Variants in SLC30A6 observed in about 807,000 individuals in gnomAD.
SLC30A6 encodes the protein zinc transporter 6.
In SLC30A6, 55 loss-of-function variants were observed where a neutral mutation model predicts 63.0. The observed-to-expected ratio is 0.87, with a 90% CI of 0.70 to 1.09. The LOEUF is 1.09. SLC30A6 is among the 50% of genes least tolerant of loss of function. The probability of loss-of-function intolerance (pLI) is 0.00; values close to 1 mark genes in which losing one functional copy is unlikely to be tolerated. For synonymous variants in SLC30A6, 224 were observed against 186.1 expected (o/e 1.20, Z -1.66); for missense variants, 587 against 549.2 (o/e 1.07, Z -0.69).
Position 32,192,943 on chromosome 2 carries a change from G to T in SLC30A6, c.391G>T (p.Glu131Ter). The change falls in exon 7 of 14, where the codon GAG becomes TAG. Residue 131 changes from glutamate to a stop codon, truncating the protein, a stop_gained. Transcript: ENST00000282587. LOFTEE classifies it high-confidence loss of function. Reference protein sequence around the residue: ...ESAERFLEQPEIHTGRLLVGT... With the variant: ...ESAERFLEQP ...TGCAGAACGCTTTTTGGAACAGCCCGAGATACACACGTGAGATTTTATTTT... is the reference window on the plus strand; with the variant it reads ...TGCAGAACGCTTTTTGGAACAGCCCTAGATACACACGTGAGATTTTATTTT... The T allele has an allele frequency of 6.6e-7, 1 of 1,510,956 alleles. No homozygotes were observed. Among genetic ancestry groups the T allele is most frequent in the African/African-American group, 1.4e-5 (1 of 71,396 alleles). 93.6% of individuals were successfully genotyped at this position (1,510,956 alleles called of 1,614,324 possible).
At chr2:32,211,796 T>A (rs563659830) in intron 13 of SLC30A6, among the ~76,000 whole-genome samples, 1 of 152,118 alleles carries the variant, frequency 6.6e-6, no homozygotes, top group African/African-American at 2.4e-5. Context: ...TTTTGTTTTT[T>A]TTTAGTAGAG....
chr2:32,181,957 C>G (rs1239373481), intron 4 of SLC30A6, among the ~76,000 whole-genome samples: 1 of 121,408 alleles, frequency 8.2e-6, no homozygotes, highest in African/African-American at 3.2e-5. Flanking sequence ...TTTTTTGAGA[C>G]AGGGTATTAC....
At chr2:32,181,645 T>G (rs2148824233) in intron 4 of SLC30A6, among the ~76,000 whole-genome samples, 1 of 152,248 alleles carries the variant, frequency 6.6e-6, no homozygotes, top group African/African-American at 2.4e-5. Context: ...GGCTGGCAGA[T>G]TCCCTGAGCT....
chr2:32,198,229 G>C (rs1452419170), intron 10 of SLC30A6, among the ~76,000 whole-genome samples: 1 of 152,132 alleles, frequency 6.6e-6, no homozygotes, highest in Non-Finnish European at 1.5e-5. Context: ...AACATGTTAT[G>C]GCATATGATT....
chr2:32,185,854 G>A (rs1221811957), intron 5 of SLC30A6, among the ~76,000 whole-genome samples: 1 of 151,544 alleles, frequency 6.6e-6, no homozygotes, highest in East Asian at 1.9e-4. Context: ...CGAGTACCTG[G>A]GATTACAGGT....
chr2:32,180,116 T>G (rs2148820835), intron 4 of SLC30A6, among the ~76,000 whole-genome samples: 1 of 152,060 alleles, frequency 6.6e-6, no homozygotes, highest in East Asian at 1.9e-4. Context: ...AGAGATACCC[T>G]ATAGACCAGG....
chr2:32,170,944 A>T (rs577673154), intron 1 of SLC30A6, among the ~76,000 whole-genome samples: 16 of 152,356 alleles, frequency 1.1e-4, no homozygotes, highest in African/African-American at 3.8e-4. Context: ...AATTTCCAGT[A>T]GAGCTATTTG....
At chr2:32,190,079 A>C (rs1459428973) in intron 5 of SLC30A6, among the ~76,000 whole-genome samples, 2 of 152,124 alleles carry the variant, frequency 1.3e-5, no homozygotes, top group Admixed American at 1.3e-4. Flanking sequence ...TTTCTGTATT[A>C]ATCTGTAACA....
chr2:32,182,181 C>A (rs913250542), intron 4 of SLC30A6, among the ~76,000 whole-genome samples: 14 of 152,104 alleles, frequency 9.2e-5, no homozygotes, highest in Admixed American at 7.9e-4. Context: ...AAGTGATCCA[C>A]CTGCCCTGAC....
At chr2:32,175,198 G>T (rs1007766401) in intron 3 of SLC30A6, 121 bp from the exon 4 acceptor site, 1 of 775,472 alleles carries the variant, frequency 1.3e-6, no homozygotes, top group Non-Finnish European at 2.1e-6. Context: ...ATATGAGGTT[G>T]GCCCGTGACT....
At chr2:32,202,825 A>G (rs1361698059) in intron 10 of SLC30A6, 1 of 803,146 alleles carries the variant, frequency 1.2e-6, no homozygotes, top group Non-Finnish European at 2.2e-6. Context: ...AAATGAGTGA[A>G]ATCCAGATAC....
intron 8 of SLC30A6, 141 bp downstream of exon 8, chr2:32,194,124 T>G (rs1683575744): frequency 1.9e-6 from 1 of 540,464 alleles, no homozygotes; most frequent in South Asian, 3.4e-5. Flanking sequence ...TTCTCAAGTC[T>G]TTTTTAAGTG....
At chr2:32,195,918 C>T (rs892879897) in intron 8 of SLC30A6, among the ~76,000 whole-genome samples, 1 of 152,084 alleles carries the variant, frequency 6.6e-6, no homozygotes, top group Non-Finnish European at 1.5e-5. Flanking sequence ...GGCTTGGTAG[C>T]ATGTGCCTCT....
intron 13 of SLC30A6, among the ~76,000 whole-genome samples, chr2:32,210,376 G>T (rs1205092940): frequency 6.6e-6 from 1 of 151,678 alleles, no homozygotes; most frequent in East Asian, 1.9e-4. Context: ...CTGGGCGTGG[G>T]GTGTGGCACA....
At chr2:32,208,257 AG>A (rs1684954100) in intron 12 of SLC30A6, among the ~76,000 whole-genome samples, 1 of 151,346 alleles carries the variant, frequency 6.6e-6, no homozygotes, top group Non-Finnish European at 1.5e-5. Flanking sequence ...CAACCTCCTG[AG>A]TAGCTGGGAT....
chr2:32,205,325 G>T (rs552532563), intron 11 of SLC30A6, among the ~76,000 whole-genome samples: 10 of 152,292 alleles, frequency 6.6e-5, no homozygotes, highest in African/African-American at 2.2e-4. Flanking sequence ...GGAGACTGAG[G>T]CAGGAGAATT....
intron 8 of SLC30A6, among the ~76,000 whole-genome samples, chr2:32,195,320 C>T (rs1345038035): frequency 6.6e-6 from 1 of 152,222 alleles, no homozygotes; most frequent in Non-Finnish European, 1.5e-5. Flanking sequence ...TCCACCTTGG[C>T]CTCCCAAAGT....
intron 2 of SLC30A6, among the ~76,000 whole-genome samples, chr2:32,172,321 C>T (rs1344567107): frequency 1.3e-5 from 2 of 152,168 alleles, no homozygotes; most frequent in Non-Finnish European, 2.9e-5. Context: ...ACTCCGTTAT[C>T]CTCATTTGCT....
chr2:32,216,562 TAAA>T (rs1685725057), intron 13 of SLC30A6, among the ~76,000 whole-genome samples: 1 of 149,296 alleles, frequency 6.7e-6, no homozygotes, highest in Non-Finnish European at 1.5e-5. Flanking sequence ...AATAAATAAA[TAAA>T]TAAATAAATA....
Sources: allele counts gnomAD v4.1 joint callset (sites outside exome capture counted in the v4.1 genomes callset), GRCh38; gene constraint gnomAD v4.1.1; transcripts MANE v1.5; gene names NCBI Gene and HGNC (gene_info 2026-07-23, HGNC 2026-07-21).